Variants in TENM2 observed in about 807,000 individuals in gnomAD.
TENM2 encodes teneurin transmembrane protein 2, also known as teneurin-2.
Under a neutral mutation model 245.2 loss-of-function variants are expected in TENM2, and 52 were observed. That is an observed-to-expected ratio of 0.21 (90% confidence interval 0.17 to 0.27). TENM2 has a LOEUF of 0.27. Among genes scored for constraint, TENM2 ranks in the 10% least tolerant of loss-of-function variants. The pLI is 1.00. For missense variants in TENM2, 3,046 were observed against 3,666.8 expected (o/e 0.83, Z 4.37); for synonymous variants, 1,363 against 1,438.9 (o/e 0.95, Z 1.19).
At chr5:167,367,825 C>A (rs994984291) in intron 1 of TENM2, among the ~76,000 whole-genome samples, 1 of 152,042 alleles carries the variant, frequency 6.6e-6, no homozygotes, top group African/African-American at 2.4e-5. Flanking sequence ...TTATCACTTA[C>A]AACTGCTACA....
intron 12 of TENM2, among the ~76,000 whole-genome samples, chr5:168,132,069 T>G (rs1185966234): frequency 1.3e-5 from 2 of 149,964 alleles, no homozygotes; most frequent in Non-Finnish European, 3.0e-5. Flanking sequence ...GCTTCCTTAC[T>G]GCAGATCAGG....
chr5:168,263,341 A>G (rs1768381545), downstream of TENM2: 1 of 154,172 alleles, frequency 6.5e-6, no homozygotes, highest in African/African-American at 2.4e-5. Context: ...AACCACTCAG[A>G]CTGCTTGTAG....
In TENM2 at chr5:168,147,777, T is replaced by C. The variant is rs78809273; in HGVS notation, c.2423-14834T>C. Among the ~76,000 whole-genome samples, 965 of 152,286 alleles carry C rather than the reference T, an allele frequency of 6.3e-3. 12 individuals carry two copies. Among genetic ancestry groups the C allele is most frequent in the Middle Eastern group, 0.027 (8 of 294 alleles). On this transcript the variant is annotated intron_variant, in intron 12 of 28. Transcript: ENST00000518659. ...ATGCACAGCCATACATCAGAACTTATTGGAGCTCCGGAAAAGCTAAGCAAC... is the reference window on the plus strand; with the variant it reads ...ATGCACAGCCATACATCAGAACTTACTGGAGCTCCGGAAAAGCTAAGCAAC...
At chr5:167,859,155 G>A (rs1403399622) in intron 2 of TENM2, among the ~76,000 whole-genome samples, 2,006 of 102,356 alleles carry the variant, frequency 0.02, 6 homozygotes, top group Admixed American at 0.028. Context: ...GCCTCTGCCC[G>A]GCCGAGACCC....
chr5:168,038,651 CTGTT>C (rs1225965850), intron 5 of TENM2, among the ~76,000 whole-genome samples: 2 of 152,224 alleles, frequency 1.3e-5, no homozygotes, highest in East Asian at 3.8e-4. Context: ...AGAGGTAAAT[CTGTT>C]TGCCCAAGGT....
chr5:166,984,996 A>T, the TENM2 span, among the ~76,000 whole-genome samples: 6 of 152,274 alleles, frequency 3.9e-5, no homozygotes, highest in East Asian at 1.2e-3. Flanking sequence ...GCTAAATCTG[A>T]TGCTAAAAGT....
Position 168,215,097 on chromosome 5 carries a change from C to T in TENM2, c.3903C>T (p.Tyr1301=), listed in dbSNP as rs556430944. ...TGGACCCCGTGTCCGGCTCGCTCTA[C>T]GTGTCCGACACCAACAGCAGGAGAA... Residue 1301 remains tyrosine, a synonymous_variant, in exon 21 of 29, where the codon TAC becomes TAT. Transcript: ENST00000518659. The T allele has an allele frequency of 3.7e-6, 6 of 1,613,830 alleles. No homozygotes were observed. The African/African-American group carries it at 4.0e-5, about 11-fold the overall frequency.
intron 5 of TENM2, among the ~76,000 whole-genome samples, chr5:168,044,153 C>T (rs1048313270): frequency 5.3e-5 from 8 of 152,166 alleles, no homozygotes; most frequent in African/African-American, 1.7e-4. Context: ...CGGTGGCTCA[C>T]GCCTGTAATC....
At chr5:167,492,778 A>G (rs1768517212) in intron 2 of TENM2, among the ~76,000 whole-genome samples, 1 of 152,124 alleles carries the variant, frequency 6.6e-6, no homozygotes, top group Non-Finnish European at 1.5e-5. Context: ...GGTTACATGT[A>G]TCTTGTGCCA....
intron 2 of TENM2, among the ~76,000 whole-genome samples, chr5:167,562,005 A>G (rs1773624327): frequency 6.6e-6 from 1 of 152,168 alleles, no homozygotes; most frequent in Non-Finnish European, 1.5e-5. Flanking sequence ...AAGGCCGGGT[A>G]TGACTAAGTG....
chr5:167,382,107 A>T (rs1413864501), intron 2 of TENM2, among the ~76,000 whole-genome samples: 1 of 152,192 alleles, frequency 6.6e-6, no homozygotes, highest in East Asian at 1.9e-4. Flanking sequence ...AGCTATTTTA[A>T]TGTAAAAGTA....
chr5:167,736,194 G>A (rs935341403), intron 2 of TENM2, among the ~76,000 whole-genome samples: 4 of 152,072 alleles, frequency 2.6e-5, no homozygotes, highest in African/African-American at 7.2e-5. Flanking sequence ...TGGGGAGAAA[G>A]CCCCTTATAA....
intron 12 of TENM2, among the ~76,000 whole-genome samples, chr5:168,146,995 C>T (rs530190836): frequency 2.0e-5 from 3 of 152,206 alleles, no homozygotes; most frequent in Non-Finnish European, 4.4e-5. Flanking sequence ...GAGGACAATT[C>T]CCCTTTTCAC....
At chr5:167,780,875 C>T (rs1764143506) in intron 2 of TENM2, among the ~76,000 whole-genome samples, 1 of 152,214 alleles carries the variant, frequency 6.6e-6, no homozygotes, top group South Asian at 2.1e-4. Context: ...CCCAACTACA[C>T]TTACATAACA....
chr5:167,538,109 A>T (rs914140615), intron 2 of TENM2, among the ~76,000 whole-genome samples: 26 of 152,212 alleles, frequency 1.7e-4, no homozygotes, highest in African/African-American at 5.8e-4. Context: ...GGACAATTGG[A>T]CCTAACAGAG....
At chr5:167,051,626 C>G in the TENM2 span, among the ~76,000 whole-genome samples, 2 of 152,122 alleles carry the variant, frequency 1.3e-5, no homozygotes, top group Non-Finnish European at 2.9e-5. Context: ...GAGAAACTTT[C>G]GCTTGCTCAC....
At chr5:168,202,923 C>T (rs1443009266) in intron 17 of TENM2, among the ~76,000 whole-genome samples, 1 of 152,174 alleles carries the variant, frequency 6.6e-6, no homozygotes, top group Non-Finnish European at 1.5e-5. Flanking sequence ...TCTCTCCTTA[C>T]CACATCTGTC....
intron 13 of TENM2, among the ~76,000 whole-genome samples, chr5:168,166,953 A>G (rs1263453222): frequency 6.6e-6 from 1 of 152,076 alleles, no homozygotes; most frequent in Non-Finnish European, 1.5e-5. Flanking sequence ...ACCGCCACTC[A>G]TGTAACCTCA....
chr5:167,649,991 G>A (rs1754341857), intron 2 of TENM2, among the ~76,000 whole-genome samples: 1 of 152,210 alleles, frequency 6.6e-6, no homozygotes, highest in Admixed American at 6.5e-5. Context: ...GATTGATAAA[G>A]TGGTTATTGT....
Sources: allele counts gnomAD v4.1 joint callset (sites outside exome capture counted in the v4.1 genomes callset), GRCh38; gene constraint gnomAD v4.1.1; transcripts MANE v1.5; gene names NCBI Gene and HGNC (gene_info 2026-07-23, HGNC 2026-07-21).